Variants in USP46 observed in about 807,000 individuals in gnomAD.
USP46 encodes ubiquitin carboxyl-terminal hydrolase 46.
In USP46, 12 loss-of-function variants were observed where a neutral mutation model predicts 44.4. The ratio of observed to expected loss-of-function variants is 0.27; its 90% confidence interval spans 0.17 to 0.44. The LOEUF (loss-of-function observed/expected upper bound fraction) is 0.44, where lower values mean the gene tolerates loss of function less well. Ranked by LOEUF, USP46 falls within the 20% of genes least tolerant of loss-of-function variation. USP46 has a pLI of 1.00. For missense variants in USP46, 248 were observed against 444.8 expected (o/e 0.56, Z 3.98); for synonymous variants, 155 against 161.5 (o/e 0.96, Z 0.31).
At chr4:52,641,857 G>A (rs538643506) in intron 1 of USP46, among the ~76,000 whole-genome samples, 1 of 152,322 alleles carries the variant, frequency 6.6e-6, no homozygotes, top group South Asian at 2.1e-4. Flanking sequence ...AAGATAACAT[G>A]TAAGGATTTC....
In USP46 at chr4:52,592,703, G is replaced by C. The variant is rs1455088426; in HGVS notation, c.*4937C>G. The C allele has an allele frequency of 2.5e-6, 1 of 393,164 alleles. No homozygotes were observed. The highest frequency in any genetic ancestry group is 3.6e-5 in the East Asian group (1 of 27,834). 24.4% of individuals were successfully genotyped at this position (393,164 alleles called of 1,614,324 possible). A position where few individuals can be genotyped will look rare whatever the true frequency, so the allele number is the denominator to read the frequency against. On this transcript the variant is annotated 3_prime_UTR_variant, in exon 9 of 9. Coordinates refer to ENST00000441222, the MANE Select transcript of USP46 (RefSeq NM_022832.4). ...AAAATACAAAAATTACCCGGGTATA[G>C]TGGCACATGCCTGTAGTCCCAGCTA...
At position 52,601,924 on chromosome 4, in the gene USP46, T is replaced by C; in HGVS notation, c.853A>G (p.Thr285Ala). ...VFPLELRLFN[T>A]SSDAVNLDRM... ...TCCAGGTTCACTGCATCACTGGAGG[T>C]GTTGAAGAGCCGGAGTTCCAGAGGG... Residue 285 changes from threonine (T) to alanine (A), a missense_variant, in exon 7 of 9, where the codon ACC becomes GCC. Physicochemically the swap from Thr to Ala is moderately conservative, Grantham distance 58. Transcript: ENST00000441222. 1 of 1,613,576 alleles carries C rather than the reference T, an allele frequency of 6.2e-7. No homozygotes were observed.
At position 52,597,024 on chromosome 4, in the gene USP46, T is replaced by C. The variant is rs1410904632; in HGVS notation, c.*616A>G. 1.3e-5 allele frequency: 2 copies of C among 153,130 alleles called. No individual in the cohort carries two copies. The highest frequency in any genetic ancestry group is 4.8e-5 in the African/African-American group (2 of 41,438). The allele number at this position is 153,130 out of a possible 1,614,324, so 9.5% of individuals were successfully genotyped here. A position where few individuals can be genotyped will look rare whatever the true frequency, so the allele number is the denominator to read the frequency against. On this transcript the variant is annotated 3_prime_UTR_variant, in exon 9 of 9. Coordinates refer to ENST00000441222, the MANE Select transcript of USP46 (RefSeq NM_022832.4). ...TAATGGCTAGGTCAGCACAGCCCAG[T>C]GCCAATGCCAGCCAACACCAGCCGC...
intron 1 of USP46, among the ~76,000 whole-genome samples, chr4:52,650,360 T>C (rs1233821150): frequency 6.6e-6 from 1 of 152,250 alleles, no homozygotes; most frequent in Non-Finnish European, 1.5e-5. Context: ...TACACGATTT[T>C]ATCCACACAC....
At chr4:52,653,146 C>T (rs1391081197) in intron 1 of USP46, among the ~76,000 whole-genome samples, 4 of 152,202 alleles carry the variant, frequency 2.6e-5, no homozygotes, top group Non-Finnish European at 4.4e-5. Flanking sequence ...GCCATAGTCC[C>T]AGAAGAGAAA....
Position 52,592,649 on chromosome 4 carries a change from G to A in USP46, c.*4991C>T. The A allele has an allele frequency of 2.8e-6, 1 of 356,266 alleles. No homozygotes were observed. Among genetic ancestry groups the A allele is most frequent in the East Asian group, 4.0e-5 (1 of 24,772 alleles). The allele number at this position is 356,266 out of a possible 1,614,324, so 22.1% of individuals were successfully genotyped here. On this transcript the variant is annotated 3_prime_UTR_variant, in exon 9 of 9. Transcript: ENST00000441222. ...AAGTCAGGAGTTCCAGACCAGCTTG[G>A]CCAATATGAGAAAACTTTGTATCTA... is the stretch of plus-strand genomic sequence containing the variant.
chr4:52,595,692 T>C lies in USP46; in HGVS notation c.*1948A>G, dbSNP rs1308835174. 6.6e-6 allele frequency: 1 copy of C among 152,204 alleles called. No individual in the cohort carries two copies. The highest frequency in any genetic ancestry group is 2.4e-5 in the African/African-American group (1 of 41,452). The allele number at this position is 152,204 out of a possible 1,614,324, so 9.4% of individuals were successfully genotyped here. ...TTTCTAATAAATTAGCTTCAAGAGG[T>C]GTTTCAAAGATAATTTTAATAACTT... On this transcript the variant is annotated 3_prime_UTR_variant, in exon 9 of 9. Transcript: ENST00000441222.
In USP46 at chr4:52,614,725, C is replaced by G. The variant is rs78159388; in HGVS notation, c.562-4108G>C. On this transcript the variant is annotated intron_variant, in intron 4 of 8. Transcript: ENST00000441222. ...GCATCAATAATGATAAATATTTGTG[C>G]AAATACAAAATACTTTTTTCCTCTT... Among the ~76,000 whole-genome samples, 446 of 152,218 alleles carry G rather than the reference C, an allele frequency of 2.9e-3. 12 individuals carry two copies. The East Asian group carries it at 0.079, about 27-fold the overall frequency.
At chr4:52,610,018 C>T (rs200380908) in intron 5 of USP46, among the ~76,000 whole-genome samples, 3 of 138,374 alleles carry the variant, frequency 2.2e-5, no homozygotes, top group South Asian at 2.4e-4. Context: ...CTCCGCCTCC[C>T]GGGTTCACGC....
chr4:52,654,800 T>C (rs1047527731), intron 1 of USP46, among the ~76,000 whole-genome samples: 1 of 152,236 alleles, frequency 6.6e-6, no homozygotes, highest in Admixed American at 6.5e-5. Context: ...ATAAGTTCAA[T>C]ACAGTTTTAA....
intron 4 of USP46, among the ~76,000 whole-genome samples, chr4:52,611,894 A>C (rs1185871485): frequency 1.3e-5 from 2 of 152,136 alleles, no homozygotes; most frequent in African/African-American, 4.8e-5. Flanking sequence ...TGTCTCAAAA[A>C]AAAAAGTACA....
At chr4:52,625,147 A>C (rs1717526619) in intron 4 of USP46, among the ~76,000 whole-genome samples, 1 of 152,158 alleles carries the variant, frequency 6.6e-6, no homozygotes, top group East Asian at 1.9e-4. Flanking sequence ...AGTAGTTATA[A>C]TAAAAAATAA....
intron 4 of USP46, among the ~76,000 whole-genome samples, chr4:52,613,547 C>A (rs1717012887): frequency 1.3e-5 from 2 of 151,990 alleles, no homozygotes; most frequent in Admixed American, 1.3e-4. Context: ...GATGATAAAG[C>A]CCCGTCTCTA....
chr4:52,647,429 T>A (rs1718586375), intron 1 of USP46, among the ~76,000 whole-genome samples: 1 of 152,240 alleles, frequency 6.6e-6, no homozygotes, highest in Non-Finnish European at 1.5e-5. Flanking sequence ...AAACTCATAG[T>A]ACCTATTCAG....
At chr4:52,653,047 T>C (rs939456493) in intron 1 of USP46, among the ~76,000 whole-genome samples, 1 of 152,072 alleles carries the variant, frequency 6.6e-6, no homozygotes, top group Non-Finnish European at 1.5e-5. Context: ...CCCATCACCA[T>C]GATCTTAAAA....
chr4:52,629,117 T>C (rs975476275), intron 2 of USP46, among the ~76,000 whole-genome samples: 1 of 152,254 alleles, frequency 6.6e-6, no homozygotes, highest in African/African-American at 2.4e-5. Flanking sequence ...AAGATTAAAA[T>C]AGAACATGAA....
rs185475669 is a variant in USP46 at position 52,626,320 on chromosome 4, C to T, written c.332-73G>A. 352 of 1,267,920 alleles carry T rather than the reference C, an allele frequency of 2.8e-4. 1 individual carries two copies. The highest frequency in any genetic ancestry group is 3.6e-4 in the Non-Finnish European group (325 of 910,118). 78.5% of individuals were successfully genotyped at this position (1,267,920 alleles called of 1,614,324 possible). ...AATGGATGTAATTAGTGTTACATGC[C>T]ATACTTAAATATTTTTTTTTTGAGA... is the stretch of plus-strand genomic sequence containing the variant. On this transcript the variant is annotated intron_variant, in intron 3 of 8. Transcript: ENST00000441222.
At chr4:52,637,867 G>C (rs540611985) in intron 1 of USP46, among the ~76,000 whole-genome samples, 13 of 152,056 alleles carry the variant, frequency 8.5e-5, no homozygotes, top group African/African-American at 2.9e-4. Context: ...GCTGTTCTCC[G>C]GTACCTCAAA....
At chr4:52,628,267 G>A in intron 2 of USP46, 104 bp from the exon 3 acceptor site, 2 of 1,126,888 alleles carry the variant, frequency 1.8e-6, no homozygotes, top group Non-Finnish European at 2.5e-6. Context: ...AACTGGCCTG[G>A]ATGTCCCTGT....
Sources: gnomAD v4.1 joint callset for allele counts (sites outside exome capture counted in the v4.1 genomes callset) on GRCh38, gnomAD v4.1.1 for gene constraint, MANE v1.5 for transcripts, NCBI Gene and HGNC (gene_info 2026-07-23, HGNC 2026-07-21) for gene names.